Variants in ZPR1 observed in about 807,000 individuals in gnomAD.
ZPR1 encodes the protein zinc finger protein ZPR1.
A neutral mutation model predicts 59.6 loss-of-function variants in ZPR1; 37 were observed. The observed-to-expected ratio is 0.62, with a 90% CI of 0.48 to 0.82. The LOEUF (loss-of-function observed/expected upper bound fraction) is 0.82. Ranked by LOEUF, ZPR1 falls within the 40% of genes least tolerant of loss-of-function variation. The pLI is 0.00. For missense variants in ZPR1, 527 were observed against 579.9 expected (o/e 0.91, Z 0.94); for synonymous variants, 191 against 215.2 (o/e 0.89, Z 0.99).
chr11:116,787,765 T>C lies in ZPR1; in HGVS notation c.171+55A>G. ...CACCTGGCTGGGTCTGACCCCCGGCTCGTCCCGGCACAAGCCCTACCCACC... is the reference window on the plus strand; with the variant it reads ...CACCTGGCTGGGTCTGACCCCCGGCCCGTCCCGGCACAAGCCCTACCCACC... On this transcript the variant is annotated intron_variant, in intron 1 of 13. Transcript: ENST00000227322. 4.6e-6 allele frequency: 7 copies of C among 1,522,456 alleles called. No individual in the cohort carries two copies. In the South Asian group the frequency reaches 7.5e-5, roughly 16 times the overall value. 94.3% of individuals were successfully genotyped at this position (1,522,456 alleles called of 1,614,324 possible). A position where few individuals can be genotyped will look rare whatever the true frequency, so the allele number is the denominator to read the frequency against.
At position 116,787,588 on chromosome 11, in the gene ZPR1, C is replaced by T; in HGVS notation, c.227G>A (p.Ser76Asn). The part of the protein sequence containing the change: ...KIPFFREIIV[S>N]SFSCEHCGWN... Reference sequence around the variant, plus strand: ...GCCACAGTGCTCGCAGGAAAAGGAGCTCACTATTATTTCTCTGAAGAAGGG... The same window carrying T: ...GCCACAGTGCTCGCAGGAAAAGGAGTTCACTATTATTTCTCTGAAGAAGGG... Residue 76 changes from serine (S) to asparagine (N), a missense_variant, in exon 2 of 14, where the codon AGC (serine) becomes AAC (asparagine). Transcript: ENST00000227322. 6.2e-7 allele frequency: 1 copy of T among 1,614,216 alleles called. No individual in the cohort carries two copies. Among genetic ancestry groups the T allele is most frequent in the Non-Finnish European group, 8.5e-7 (1 of 1,180,012 alleles).
Position 116,786,799 on chromosome 11 carries a change from G to A in ZPR1, c.424+170C>T, listed in dbSNP as rs533589908. Among the ~76,000 whole-genome samples the A allele has an allele frequency of 7.2e-5, 11 of 152,244 alleles. No homozygotes were observed. The South Asian group carries it at 1.0e-3, about 14-fold the overall frequency. ...TATTACCATTACTTTCTACCATCTC[G>A]AGCTGTTTTACCTAAGCTTTCCACT... On this transcript the variant is annotated intron_variant, in intron 3 of 13. Coordinates refer to ENST00000227322, the MANE Select transcript of ZPR1 (RefSeq NM_003904.5).
chr11:116,779,498 C>A lies in ZPR1; in HGVS notation c.1245+274G>T, dbSNP rs1386100708. On this transcript the variant is annotated intron_variant, in intron 13 of 13. Transcript: ENST00000227322. ...TCTCCTCAATCCATAATCAGATTTG[C>A]AAAATGAAAACTCCAGAACTGGGAC... 4.0e-5 allele frequency among the ~76,000 whole-genome samples: 6 copies of A among 151,842 alleles called. No homozygotes were observed. The South Asian group carries it at 6.2e-4, about 16-fold the overall frequency.
rs1368164793 is a variant in ZPR1 at position 116,785,796 on chromosome 11, C to T, written c.582G>A (p.Leu194=). The change falls in exon 5 of 14, where the codon CTG becomes CTA. Residue 194 remains leucine, a splice_region_variant and synonymous_variant. Transcript: ENST00000227322. The stretch of plus-strand genomic sequence containing the variant: ...GCAACTCCAGCCTCTCAATACTCAC[C>T]AGAGTGAAAGGGGAGGCTACTTGCT... ...ELKQVASPFT[L]IIDDPSGNSF... is the part of the protein sequence containing the mutation. The T allele has an allele frequency of 6.2e-7, 1 of 1,613,950 alleles. No individual in the cohort carries two copies. Among genetic ancestry groups the T allele is most frequent in the Non-Finnish European group, 8.5e-7 (1 of 1,179,800 alleles).
At chr11:116,781,052 T>C (rs1304126983) in intron 12 of ZPR1, among the ~76,000 whole-genome samples, 1 of 151,926 alleles carries the variant, frequency 6.6e-6, no homozygotes, top group Non-Finnish European at 1.5e-5. Context: ...TTAGTGGAAA[T>C]GAAAACCTCA....
At chr11:116,779,205 C>A in intron 13 of ZPR1, 146 bp from the exon 14 acceptor site, 1 of 1,148,390 alleles carries the variant, frequency 8.7e-7, no homozygotes, top group Non-Finnish European at 1.2e-6. Flanking sequence ...CTAGACTGAA[C>A]TAGTGGGTAG....
Position 116,787,894 on chromosome 11 carries a change from G to T in ZPR1, c.97C>A (p.Arg33=), listed in dbSNP as rs200636923. The part of the protein sequence containing the change: ...APPPAPDHLF[R]PISAEDEEQQ... ...TCCTCGTCCTCGGCGCTGATGGGCC[G>T]GAACAGGTGATCAGGGGCAGGCGGC... is the stretch of plus-strand genomic sequence containing the variant. Residue 33 remains arginine (R), a synonymous_variant, in exon 1 of 14, where the codon CGG becomes AGG. Coordinates refer to ENST00000227322, the MANE Select transcript of ZPR1 (RefSeq NM_003904.5). 1.3e-6 allele frequency: 2 copies of T among 1,542,392 alleles called. No homozygotes were observed. The highest frequency in any genetic ancestry group is 1.7e-6 in the Non-Finnish European group (2 of 1,146,458).
At chr11:116,786,636 T>C (rs1031717491) in intron 3 of ZPR1, 55 bp from the exon 4 acceptor site, 1 of 1,488,900 alleles carries the variant, frequency 6.7e-7, no homozygotes, top group Non-Finnish European at 9.3e-7. Context: ...TGCTATCAAG[T>C]CCCTGTATGA....
chr11:116,785,169 C>A (rs1162349918), intron 6 of ZPR1, 23 bp from the exon 7 acceptor site: 3 of 1,613,330 alleles, frequency 1.9e-6, no homozygotes, highest in South Asian at 1.1e-5. Context: ...AGATGCAGGT[C>A]GCAAGTTGGC....
rs1049180698 is a variant in ZPR1, at chr11:116,787,958, G to A, written c.33C>T (p.Pro11=). The A allele has an allele frequency of 1.4e-5, 21 of 1,457,486 alleles. No homozygotes were observed. Among genetic ancestry groups the A allele is most frequent in the Non-Finnish European group, 1.8e-5 (20 of 1,115,374 alleles). 90.3% of individuals were successfully genotyped at this position (1,457,486 alleles called of 1,614,324 possible). Residue 11 remains proline (P), a synonymous_variant, in exon 1 of 14, where the codon CCC becomes CCT. Coordinates refer to ENST00000227322, the MANE Select transcript of ZPR1 (RefSeq NM_003904.5). ...GCGACGGGGCGACGGCAGCCCCCGG[G>A]GGCCCTGGTTCCACAGCCCCGCTGG... is the stretch of plus-strand genomic sequence containing the variant. MAASGAVEPG[P]PGAAVAPSPA...
chr11:116,787,908 G>A lies in ZPR1; in HGVS notation c.83C>T (p.Pro28Leu). 1 of 1,521,524 alleles carries A rather than the reference G, an allele frequency of 6.6e-7. No homozygotes were observed. Among genetic ancestry groups the A allele is most frequent in the African/African-American group, 1.4e-5 (1 of 70,154 alleles). 94.3% of individuals were successfully genotyped at this position (1,521,524 alleles called of 1,614,324 possible). A position where few individuals can be genotyped will look rare whatever the true frequency, so the allele number is the denominator to read the frequency against. ...GCTGATGGGCCGGAACAGGTGATCA[G>A]GGGCAGGCGGCGGGGCCGGGGCGGG... is the stretch of plus-strand genomic sequence containing the variant. ...PSPAPAPPPA[P>L]DHLFRPISAE... The change falls in exon 1 of 14, where the codon CCT (proline) becomes CTT (leucine). Residue 28 changes from proline to leucine, a missense_variant. By Grantham distance (98) the Pro-to-Leu change is moderately conservative. Coordinates refer to ENST00000227322, the MANE Select transcript of ZPR1 (RefSeq NM_003904.5).
At position 116,778,859 on chromosome 11, in the gene ZPR1, A is replaced by C; in HGVS notation, c.*66T>G. ...AAAGACACTCCCAGCCTTCGCCTTC[A>C]TCCAATACTAATAAATAACCTACAG... On this transcript the variant is annotated 3_prime_UTR_variant, in exon 14 of 14. Coordinates refer to ENST00000227322, the MANE Select transcript of ZPR1 (RefSeq NM_003904.5). The C allele has an allele frequency of 6.3e-7, 1 of 1,578,706 alleles. No homozygotes were observed. The highest frequency in any genetic ancestry group is 1.8e-5 in the Admixed American group (1 of 56,634).
Position 116,782,901 on chromosome 11 carries a change from A to G in ZPR1, c.1092+18T>C, listed in dbSNP as rs769885365. The G allele has an allele frequency of 5.0e-6, 8 of 1,606,730 alleles. No homozygotes were observed. Among genetic ancestry groups the G allele is most frequent in the Non-Finnish European group, 6.8e-6 (8 of 1,173,340 alleles). On this transcript the variant is annotated intron_variant, in intron 11 of 13. Coordinates refer to ENST00000227322, the MANE Select transcript of ZPR1 (RefSeq NM_003904.5). ...CAAATTGCTCAAAGGTGGTTTACAC[A>G]CTACTCAAGTGACTCACCAGTTCCC...
rs1475473963 is a variant in ZPR1 at position 116,778,919 on chromosome 11, C to T, written c.*6G>A. The T allele has an allele frequency of 4.3e-6, 7 of 1,613,308 alleles. No individual in the cohort carries two copies. Among genetic ancestry groups the T allele is most frequent in the Admixed American group, 1.7e-5 (1 of 59,998 alleles). The stretch of plus-strand genomic sequence containing the variant: ...CGCTGGAGGCTGGCCCTTGAGCCAC[C>T]CACTGCTACCGTTGCGGAGCCAGGC... On this transcript the variant is annotated 3_prime_UTR_variant, in exon 14 of 14. Coordinates refer to ENST00000227322, the MANE Select transcript of ZPR1 (RefSeq NM_003904.5).
Position 116,787,604 on chromosome 11 carries a change from TGAA to T in ZPR1, c.208_210del (p.Phe70del). On this transcript the variant is annotated inframe_deletion, in exon 2 of 14. Transcript: ENST00000227322. ...GAAAAGGAGCTCACTATTATTTCTC[TGAA>T]GAAGGGAATCTTGGTGAGCAGGAGG... 2 of 1,613,996 alleles carry T rather than the reference TGAA, an allele frequency of 1.2e-6. No homozygotes were observed. The highest frequency in any genetic ancestry group is 1.7e-6 in the Non-Finnish European group (2 of 1,179,846).
Position 116,778,602 on chromosome 11 carries a change from C to A in ZPR1, c.*323G>T. ...TCCACCTTCTCCAACTTCAGAGTTCCAACCTTAGAGGATAGAGCATTATGT... is the reference window on the plus strand; with the variant it reads ...TCCACCTTCTCCAACTTCAGAGTTCAAACCTTAGAGGATAGAGCATTATGT... On this transcript the variant is annotated 3_prime_UTR_variant, in exon 14 of 14. Coordinates refer to ENST00000227322, the MANE Select transcript of ZPR1 (RefSeq NM_003904.5). The A allele has an allele frequency of 4.2e-6, 1 of 238,988 alleles. No individual in the cohort carries two copies. The highest frequency in any genetic ancestry group is 9.0e-5 in the East Asian group (1 of 11,068). The allele number at this position is 238,988 out of a possible 1,614,324, so 14.8% of individuals were successfully genotyped here.
chr11:116,783,407 A>C (rs1009924264), intron 10 of ZPR1, 123 bp downstream of exon 10: 26 of 824,906 alleles, frequency 3.2e-5, no homozygotes, highest in Non-Finnish European at 5.0e-5. Flanking sequence ...GGGTCCTCAA[A>C]GCCAGGGAAG....
intron 2 of ZPR1, 108 bp from the exon 3 acceptor site, chr11:116,787,167 C>T (rs1381016038): frequency 1.1e-5 from 11 of 979,192 alleles, no homozygotes; most frequent in Non-Finnish European, 1.8e-5. Flanking sequence ...CTGTCTCTCC[C>T]TCTCGCCACT....
chr11:116,779,137 C>G, intron 13 of ZPR1, 78 bp from the exon 14 acceptor site: 2 of 1,572,542 alleles, frequency 1.3e-6, no homozygotes, highest in South Asian at 2.3e-5. Flanking sequence ...TCCCACCTTC[C>G]CAAGAACAGA....
Sources: allele counts gnomAD v4.1 joint callset (sites outside exome capture counted in the v4.1 genomes callset), GRCh38; gene constraint gnomAD v4.1.1; transcripts MANE v1.5; gene names NCBI Gene and HGNC (gene_info 2026-07-23, HGNC 2026-07-21).